ADD3: variants seen among roughly 807,000 people sequenced by gnomAD.
ADD3 encodes adducin 3.
In ADD3, 25 loss-of-function variants were observed where a neutral mutation model predicts 80.2. The ratio of observed to expected loss-of-function variants is 0.31; its 90% CI spans 0.23 to 0.44. The LOEUF (loss-of-function observed/expected upper bound fraction) is 0.44. ADD3 is among the 20% of genes least tolerant of loss of function. The pLI is 1.00. For synonymous variants in ADD3, 284 were observed against 289.6 expected (o/e 0.98, Z 0.20); for missense variants, 829 against 847.5 (o/e 0.98, Z 0.27).
intron 1 of ADD3, among the ~76,000 whole-genome samples, chr10:109,999,871 T>C (rs1698247064): frequency 6.6e-6 from 1 of 152,138 alleles, no homozygotes; most frequent in South Asian, 2.1e-4. Context: ...TACATTTGTG[T>C]TTCATTTCCC....
chr10:110,042,657 A>T (rs1856498040), intron 1 of ADD3, among the ~76,000 whole-genome samples: 2 of 149,776 alleles, frequency 1.3e-5, no homozygotes, highest in Non-Finnish European at 3.0e-5. Flanking sequence ...TAATAGTCTT[A>T]TTATTGATAA....
At chr10:110,130,837 CAG>C (rs1206980281) in intron 13 of ADD3, among the ~76,000 whole-genome samples, 4 of 143,548 alleles carry the variant, frequency 2.8e-5, no homozygotes, top group Non-Finnish European at 6.0e-5. Context: ...GCCTGGGCGA[CAG>C]AGAGAGACTC....
chr10:110,133,298 AC>A (rs1443202489), intron 14 of ADD3, 27 bp from the exon 15 acceptor site: 3 of 1,548,098 alleles, frequency 1.9e-6, no homozygotes, highest in African/African-American at 2.8e-5. Flanking sequence ...ATGTAAAATA[AC>A]CCCCAAAAAA....
In ADD3 at chr10:110,133,724, T is replaced by C; in HGVS notation, c.*106T>C. The C allele has an allele frequency of 1.1e-6, 1 of 946,932 alleles. No homozygotes were observed. Among genetic ancestry groups the C allele is most frequent in the Non-Finnish European group, 1.5e-6 (1 of 684,426 alleles). 58.7% of individuals were successfully genotyped at this position (946,932 alleles called of 1,614,324 possible). On this transcript the variant is annotated 3_prime_UTR_variant, in exon 15 of 15. Coordinates refer to ENST00000356080, the MANE Select transcript of ADD3 (RefSeq NM_016824.5). ...CAATGGTAGATCAGATTGGGGGATGTAGCAAACTGGACTTTAAGAACTGGA... is the reference window on the plus strand; with the variant it reads ...CAATGGTAGATCAGATTGGGGGATGCAGCAAACTGGACTTTAAGAACTGGA...
upstream of ADD3, chr10:110,005,831 T>G (rs1368692456): frequency 6.5e-6 from 1 of 154,292 alleles, no homozygotes; most frequent in Non-Finnish European, 1.4e-5. Context: ...GATTCCATCC[T>G]CTCTGCCTCT....
intron 12 of ADD3, among the ~76,000 whole-genome samples, chr10:110,127,489 C>T (rs1215952646): frequency 6.6e-6 from 1 of 152,158 alleles, no homozygotes; most frequent in Non-Finnish European, 1.5e-5. Context: ...TGGTGGCGTG[C>T]ACCTGTAGTC....
chr10:110,010,282 C>T (rs1564834047), intron 1 of ADD3, among the ~76,000 whole-genome samples: 1 of 152,172 alleles, frequency 6.6e-6, no homozygotes, highest in Non-Finnish European at 1.5e-5. Context: ...ACATGTAAGC[C>T]TACAGGTGGT....
chr10:110,086,506 G>T (rs928352528), intron 1 of ADD3, among the ~76,000 whole-genome samples: 2 of 152,182 alleles, frequency 1.3e-5, no homozygotes. Flanking sequence ...TGGAGGTGGG[G>T]TCTGGCAGGA....
chr10:110,066,946 T>G (rs1278092832), intron 1 of ADD3, among the ~76,000 whole-genome samples: 1 of 152,228 alleles, frequency 6.6e-6, no homozygotes. Flanking sequence ...AATTTTTGTT[T>G]ACAAACTGGT....
chr10:110,091,049 C>T (rs1473895324), intron 1 of ADD3, among the ~76,000 whole-genome samples: 1 of 152,156 alleles, frequency 6.6e-6, no homozygotes, highest in Admixed American at 6.6e-5. Flanking sequence ...ACAATTCCAG[C>T]AGTAGGCCAG....
chr10:110,063,553 A>G (rs1219332290), intron 1 of ADD3, among the ~76,000 whole-genome samples: 1 of 151,404 alleles, frequency 6.6e-6, no homozygotes, highest in Non-Finnish European at 1.5e-5. Flanking sequence ...CCAGAGAGCT[A>G]AGCTAACCAA....
At chr10:110,084,770 T>A (rs1450842443) in intron 1 of ADD3, among the ~76,000 whole-genome samples, 2 of 152,250 alleles carry the variant, frequency 1.3e-5, no homozygotes, top group African/African-American at 4.8e-5. Context: ...AGAGTTCTTA[T>A]TTATATTTAC....
In ADD3 at chr10:110,080,492, TA is replaced by T. The variant is rs550260753; in HGVS notation, c.-29-20127del. ...TAAGCTATTTTAAAGTTTAAGAATG[TA>T]AAAAAGGAAAGTTGAATATCATTCT... On this transcript the variant is annotated intron_variant, in intron 1 of 14. Coordinates refer to ENST00000356080, the MANE Select transcript of ADD3 (RefSeq NM_016824.5). Among the ~76,000 whole-genome samples, 27 of 152,342 alleles carry T rather than the reference TA, an allele frequency of 1.8e-4. No homozygotes were observed. The East Asian group carries it at 5.2e-3, about 29-fold the overall frequency.
intron 2 of ADD3, among the ~76,000 whole-genome samples, chr10:110,102,071 T>C (rs1372318065): frequency 6.6e-6 from 1 of 152,158 alleles, no homozygotes; most frequent in Non-Finnish European, 1.5e-5. Context: ...GGTGAAAGCA[T>C]TGAAGTACAA....
intron 2 of ADD3, among the ~76,000 whole-genome samples, chr10:110,101,657 C>T (rs1355132811): frequency 3.4e-5 from 5 of 148,324 alleles, no homozygotes; most frequent in Admixed American, 3.3e-4. Context: ...AAAAAAAATT[C>T]AACTCAAGTG....
intron 1 of ADD3, among the ~76,000 whole-genome samples, chr10:110,080,267 AG>A (rs1845923486): frequency 6.6e-6 from 1 of 152,166 alleles, no homozygotes; most frequent in African/African-American, 2.4e-5. Context: ...TTGAATCCTC[AG>A]TTTTACCATC....
chr10:110,045,432 C>G (rs1349875358), intron 1 of ADD3, among the ~76,000 whole-genome samples: 1 of 151,956 alleles, frequency 6.6e-6, no homozygotes, highest in Non-Finnish European at 1.5e-5. Context: ...CACTTTTGAG[C>G]TATAATATTA....
chr10:110,130,559 G>T, intron 13 of ADD3, 73 bp downstream of exon 13: 1 of 1,531,414 alleles, frequency 6.5e-7, no homozygotes, highest in Non-Finnish European at 8.9e-7. Flanking sequence ...TTGGATGATA[G>T]AAAGCAGTCA....
intron 1 of ADD3, among the ~76,000 whole-genome samples, chr10:110,018,104 CCAGT>C (rs1853208794): frequency 6.6e-6 from 1 of 152,124 alleles, no homozygotes; most frequent in African/African-American, 2.4e-5. Context: ...TCAGACTTTC[CCAGT>C]CAAACATAGG....
Sources: allele counts gnomAD v4.1 joint callset (sites outside exome capture counted in the v4.1 genomes callset), GRCh38; gene constraint gnomAD v4.1.1; transcripts MANE v1.5; gene names NCBI Gene and HGNC (gene_info 2026-07-23, HGNC 2026-07-21).